Variants in GPR78 observed in about 807,000 individuals in gnomAD.
GPR78 encodes G protein-coupled receptor 78.
In GPR78, 29 loss-of-function variants were observed where a neutral mutation model predicts 17.9. The observed-to-expected ratio is 1.62, with a 90% confidence interval of 1.20 to 2.21. The LOEUF is 2.21. GPR78 is among the 30% of genes most tolerant of loss of function. GPR78 has a pLI of 0.00. For missense variants in GPR78, 649 were observed against 530.5 expected (o/e 1.22, Z -2.19); for synonymous variants, 349 against 256.9 (o/e 1.36, Z -3.43).
intron 2 of GPR78, among the ~76,000 whole-genome samples, chr4:8,586,213 G>C (rs947134623): frequency 2.6e-5 from 4 of 152,148 alleles, no homozygotes. Flanking sequence ...AGAGCGGAGG[G>C]GTCCGTCAGA....
Position 8,580,699 on chromosome 4 carries a change from G to C in GPR78, c.-284G>C, listed in dbSNP as rs545308443. 9.8e-5 allele frequency: 49 copies of C among 499,384 alleles called. No homozygotes were observed. The highest frequency in any genetic ancestry group is 9.2e-4 in the African/African-American group (45 of 49,140). The allele number at this position is 499,384 out of a possible 1,614,324, so 30.9% of individuals were successfully genotyped here. A position where few individuals can be genotyped will look rare whatever the true frequency, so the allele number is the denominator to read the frequency against. On this transcript the variant is annotated 5_prime_UTR_variant, in exon 1 of 3. Transcript: ENST00000382487. ...GCTTCAGCCTCAGGACAGTCCTGCC[G>C]GGACGGTGAGCGCATTCAGCACCCT...
Position 8,582,528 on chromosome 4 carries a change from C to G in GPR78, c.669-3C>G. The G allele has an allele frequency of 6.3e-7, 1 of 1,598,484 alleles. No homozygotes were observed. The highest frequency in any genetic ancestry group is 8.5e-7 in the Non-Finnish European group (1 of 1,172,786). Reference sequence around the variant, plus strand: ...TCCTGACCACTGTCCTCTGTCCCCACAGTGTGCGGCAGCGCTGCCTCATCC... The same window carrying G: ...TCCTGACCACTGTCCTCTGTCCCCAGAGTGTGCGGCAGCGCTGCCTCATCC... On this transcript the variant is annotated splice_region_variant and splice_polypyrimidine_tract_variant and intron_variant, in intron 1 of 2. Transcript: ENST00000382487.
Position 8,581,229 on chromosome 4 carries a change from G to A in GPR78, c.247G>A (p.Gly83Ser). The A allele has an allele frequency of 6.3e-7, 1 of 1,597,050 alleles. No homozygotes were observed. Among genetic ancestry groups the A allele is most frequent in the Non-Finnish European group, 8.5e-7 (1 of 1,176,606 alleles). ...PSAPGACQVI[G>S]FLDTFLASNA... ...GGCGCCCGGCGCATGCCAAGTCATT[G>A]GCTTCCTGGACACCTTCCTGGCGTC... is the stretch of plus-strand genomic sequence containing the variant. Residue 83 changes from glycine to serine, a missense_variant, in exon 1 of 3, where the codon GGC becomes AGC. Coordinates refer to ENST00000382487, the MANE Select transcript of GPR78 (RefSeq NM_080819.5).
intron 1 of GPR78, among the ~76,000 whole-genome samples, chr4:8,582,046 T>G (rs1168690789): frequency 6.6e-6 from 1 of 152,078 alleles, no homozygotes; most frequent in African/African-American, 2.4e-5. Context: ...TTGAGCAGGG[T>G]CCATCCCCCA....
chr4:8,585,820 C>T lies in GPR78; in HGVS notation c.783-1234C>T, dbSNP rs1713482143. 3.9e-5 allele frequency among the ~76,000 whole-genome samples: 6 copies of T among 152,220 alleles called. No individual in the cohort carries two copies. In the South Asian group the frequency reaches 1.2e-3, roughly 32 times the overall value. The stretch of plus-strand genomic sequence containing the variant: ...GCCTCCTCATCCCCATCCCGCCGGA[C>T]TGGGTGCCTCGGAGGGAGGGAGTCA... On this transcript the variant is annotated intron_variant, in intron 2 of 2. Transcript: ENST00000382487.
chr4:8,580,631 A>G lies in GPR78; in HGVS notation c.-352A>G, dbSNP rs1560279991. 2 of 360,974 alleles carry G rather than the reference A, an allele frequency of 5.5e-6. No individual in the cohort carries two copies. Among genetic ancestry groups the G allele is most frequent in the African/African-American group, 2.1e-5 (1 of 46,816 alleles). The allele number at this position is 360,974 out of a possible 1,614,324, so 22.4% of individuals were successfully genotyped here. A position where few individuals can be genotyped will look rare whatever the true frequency, so the allele number is the denominator to read the frequency against. ...GAAGAAGGAAAGATACAGTGTTAGG[A>G]AAGAGACCTCCCTCGCCCCTACGCC... On this transcript the variant is annotated 5_prime_UTR_variant, in exon 1 of 3. Coordinates refer to ENST00000382487, the MANE Select transcript of GPR78 (RefSeq NM_080819.5).
intron 2 of GPR78, chr4:8,582,920 T>C (rs371053730): frequency 7.9e-5 from 26 of 329,122 alleles, no homozygotes; most frequent in African/African-American, 4.4e-4. Context: ...CCTGGCTCTT[T>C]AAACCTAGAA....
chr4:8,582,174 C>A (rs1482918401), intron 1 of GPR78, among the ~76,000 whole-genome samples: 1 of 152,084 alleles, frequency 6.6e-6, no homozygotes, highest in Non-Finnish European at 1.5e-5. Flanking sequence ...CACAGAACAC[C>A]CAAGAGGCTC....
rs989701881 is a variant in GPR78 at position 8,586,971 on chromosome 4, G to T, written c.783-83G>T. The T allele has an allele frequency of 5.6e-6, 7 of 1,242,772 alleles. No individual in the cohort carries two copies. In the South Asian group the frequency reaches 9.5e-5, roughly 17 times the overall value. The allele number at this position is 1,242,772 out of a possible 1,614,324, so 77.0% of individuals were successfully genotyped here. A position where few individuals can be genotyped will look rare whatever the true frequency, so the allele number is the denominator to read the frequency against. ...AGGGCTGCGGTACGTACTTGAGTAT[G>T]GTTCTAGCACCTTCCCCCGGAGCGT... On this transcript the variant is annotated intron_variant, in intron 2 of 2. Transcript: ENST00000382487.
chr4:8,580,580 T>G lies in GPR78; in HGVS notation c.-403T>G, dbSNP rs377002816. The G allele has an allele frequency of 1.5e-5, 3 of 204,854 alleles. No homozygotes were observed. The highest frequency in any genetic ancestry group is 2.9e-5 in the Non-Finnish European group (3 of 104,298). 12.7% of individuals were successfully genotyped at this position (204,854 alleles called of 1,614,324 possible). On this transcript the variant is annotated 5_prime_UTR_variant, in exon 1 of 3. Coordinates refer to ENST00000382487, the MANE Select transcript of GPR78 (RefSeq NM_080819.5). ...TGGCCCGGAACAGAAGCGCGCAGAG[T>G]CCCATCCTGCCACGCCACGAGGAGA...
rs910436427 is a variant in GPR78, at chr4:8,580,987, G to C, written c.5G>C (p.Gly2Ala). Reference protein sequence around the residue: MGPGEALLAGLL... With the variant: MAPGEALLAGLL... ...GCCTGGCGAGCCGCTAGCGCCATGG[G>C]CCCCGGCGAGGCGCTGCTGGCGGGT... The change falls in exon 1 of 3, where the codon GGC (glycine) becomes GCC (alanine). Residue 2 changes from glycine (G) to alanine (A), a missense_variant. Physicochemically the swap from Gly to Ala is moderately conservative, Grantham distance 60. Transcript: ENST00000382487. 4 of 1,580,788 alleles carry C rather than the reference G, an allele frequency of 2.5e-6. No individual in the cohort carries two copies. The African/African-American group carries it at 5.4e-5, about 21-fold the overall frequency.
rs1444106741 is a variant in GPR78 at position 8,581,561 on chromosome 4, C to T, written c.579C>T (p.Leu193=). ...LPLAVLCLTS[L]QVHRVARRHC... is the part of the protein sequence containing the mutation. ...TGGCGGTGCTCTGCCTCACCTCGCTCCAGGTGCACCGGGTGGCACGCAGAC... is the reference window on the plus strand; with the variant it reads ...TGGCGGTGCTCTGCCTCACCTCGCTTCAGGTGCACCGGGTGGCACGCAGAC... Residue 193 remains leucine (L), a synonymous_variant, in exon 1 of 3, where the codon CTC becomes CTT. Transcript: ENST00000382487. 1 of 1,582,056 alleles carries T rather than the reference C, an allele frequency of 6.3e-7. No individual in the cohort carries two copies.
chr4:8,589,463 C>T lies in GPR78; in HGVS notation c.*2100C>T, dbSNP rs898974823. Among the ~76,000 whole-genome samples the T allele has an allele frequency of 2.6e-5, 4 of 152,038 alleles. No individual in the cohort carries two copies. The highest frequency in any genetic ancestry group is 5.9e-5 in the Non-Finnish European group (4 of 68,010). On this transcript the variant is annotated 3_prime_UTR_variant, in exon 3 of 3. Transcript: ENST00000382487. ...TCACAGAGGGCACGTGAACTCGAGA[C>T]CGTGCTGCACCCCGGTGCCCCTGTG...
At chr4:8,584,479 T>C (rs1713418358) in intron 2 of GPR78, among the ~76,000 whole-genome samples, 1 of 151,164 alleles carries the variant, frequency 6.6e-6, no homozygotes, top group African/African-American at 2.4e-5. Flanking sequence ...TATTTCTTCA[T>C]GCACTCACTA....
Position 8,581,485 on chromosome 4 carries a change from G to T in GPR78, c.503G>T (p.Arg168Leu), listed in dbSNP as rs758138727. The change falls in exon 1 of 3, where the codon CGC becomes CTC. Residue 168 changes from arginine (R) to leucine (L), a missense_variant. By Grantham distance (102) the Arg-to-Leu change is moderately radical. Transcript: ENST00000382487. ...LRLPPEPERP[R>L]FAAFTATLHA... is the part of the protein sequence containing the mutation. ...CTGCCGCCCGAGCCTGAGCGTCCGC[G>T]CTTCGCAGCCTTCACCGCCACGCTC... 1.3e-6 allele frequency: 2 copies of T among 1,592,162 alleles called. No homozygotes were observed. Among genetic ancestry groups the T allele is most frequent in the Non-Finnish European group, 1.7e-6 (2 of 1,176,956 alleles).
rs141725618 is a variant in GPR78, at chr4:8,589,848, G to A, written c.*2485G>A. Among the ~76,000 whole-genome samples the A allele has an allele frequency of 1.3e-5, 2 of 151,258 alleles. No individual in the cohort carries two copies. Among genetic ancestry groups the A allele is most frequent in the African/African-American group, 2.4e-5 (1 of 41,172 alleles). ...GCAGGCATCTTAGGGCATTCCCTCCGCACTTCTCTGCCAGCCCATGTGGCT... is the reference window on the plus strand; with the variant it reads ...GCAGGCATCTTAGGGCATTCCCTCCACACTTCTCTGCCAGCCCATGTGGCT... On this transcript the variant is annotated 3_prime_UTR_variant, in exon 3 of 3. Coordinates refer to ENST00000382487, the MANE Select transcript of GPR78 (RefSeq NM_080819.5).
intron 2 of GPR78, 117 bp from the exon 3 acceptor site, chr4:8,586,937 G>A (rs535524080): frequency 3.4e-6 from 3 of 871,068 alleles, no homozygotes; most frequent in African/African-American, 1.7e-5. Context: ...CCCCTGGCTA[G>A]TGAGCATCAG....
rs1411407674 is a variant in GPR78 at position 8,588,854 on chromosome 4, G to A, written c.*1491G>A. ...CACAGATTCTTCCCCAAAAACACAGGTGTTATTATTATACTTTTAAAAAAC... is the reference window on the plus strand; with the variant it reads ...CACAGATTCTTCCCCAAAAACACAGATGTTATTATTATACTTTTAAAAAAC... On this transcript the variant is annotated 3_prime_UTR_variant, in exon 3 of 3. Coordinates refer to ENST00000382487, the MANE Select transcript of GPR78 (RefSeq NM_080819.5). 2.0e-5 allele frequency among the ~76,000 whole-genome samples: 3 copies of A among 152,156 alleles called. No individual in the cohort carries two copies. The highest frequency in any genetic ancestry group is 1.9e-4 in the East Asian group (1 of 5,192).
rs1353366667 is a variant in GPR78 at position 8,582,623 on chromosome 4, T to C, written c.761T>C (p.Phe254Ser). 1.2e-6 allele frequency: 2 copies of C among 1,612,394 alleles called. No individual in the cohort carries two copies. The highest frequency in any genetic ancestry group is 2.7e-5 in the African/African-American group (2 of 74,922). ...GCTATTGCGACCTTCCTCATCTGCT[T>C]TGCCCCGTATGTCATGACCAGGTGG... The part of the protein sequence containing the change: ...GIAIATFLIC[F>S]APYVMTRLAE... The change falls in exon 2 of 3, where the codon TTT becomes TCT. Residue 254 changes from phenylalanine to serine, a missense_variant. By Grantham distance (155) the Phe-to-Ser change is radical. Transcript: ENST00000382487.
Sources: gnomAD v4.1 joint callset for allele counts (sites outside exome capture counted in the v4.1 genomes callset) on GRCh38, gnomAD v4.1.1 for gene constraint, MANE v1.5 for transcripts, NCBI Gene and HGNC (gene_info 2026-07-23, HGNC 2026-07-21) for gene names.